Variants in ZNF573 observed in about 807,000 individuals in gnomAD.
The protein encoded by ZNF573 is zinc finger protein 573.
ZNF573 carries 41 observed loss-of-function variants against 57.4 expected under a neutral mutation model. The observed-to-expected ratio is 0.71, with a 90% CI of 0.56 to 0.93. The LOEUF is 0.93. Among genes scored for constraint, ZNF573 ranks in the 40% least tolerant of loss-of-function variants. The pLI, the probability that ZNF573 is intolerant of heterozygous loss-of-function variation, is 0.00. For missense variants in ZNF573, 730 were observed against 794.8 expected, an observed-to-expected ratio of 0.92 and a Z score of 0.98; for synonymous variants, 249 against 261.0, an observed-to-expected ratio of 0.95 and a Z score of 0.44.
rs548134299 is a variant in ZNF573 at position 37,773,669 on chromosome 19, T to C, written c.61A>G (p.Met21Val). The change falls in exon 2 of 5, where the codon ATG (methionine) becomes GTG (valine). Residue 21 changes from methionine (M) to valine (V), a missense_variant. Met to Val is a conservative substitution (Grantham distance 21). Coordinates refer to ENST00000536220, the MANE Select transcript of ZNF573 (RefSeq NM_001172690.2). ...GLIRSYNSKT[M>V]TCFQELVTFR... ...AGAATTAATCAACTTACACAGGTCA[T>C]GGTTTTAGAATTGTAAGACCTGATC... 5.9e-6 allele frequency: 9 copies of C among 1,535,438 alleles called. No homozygotes were observed. The African/African-American group carries it at 9.6e-5, about 16-fold the overall frequency.
chr19:37,764,748 T>C (rs1202278823), intron 4 of ZNF573, among the ~76,000 whole-genome samples: 1 of 149,862 alleles, frequency 6.7e-6, no homozygotes, highest in African/African-American at 2.5e-5. Context: ...GGACTACAGG[T>C]GCCCGCCACC....
At chr19:37,767,087 C>A (rs1297005472) in intron 4 of ZNF573, among the ~76,000 whole-genome samples, 1 of 152,182 alleles carries the variant, frequency 6.6e-6, no homozygotes, top group African/African-American at 2.4e-5. Context: ...TTTATAGGAG[C>A]ATTGTGACCT....
intron 4 of ZNF573, among the ~76,000 whole-genome samples, chr19:37,762,998 C>T (rs2045566978): frequency 6.6e-6 from 1 of 152,130 alleles, no homozygotes; most frequent in Non-Finnish European, 1.5e-5. Flanking sequence ...GTCTCGAACT[C>T]CTGACCTCAA....
At chr19:37,752,577 G>T (rs1205293385) in intron 4 of ZNF573, among the ~76,000 whole-genome samples, 1 of 152,128 alleles carries the variant, frequency 6.6e-6, no homozygotes, top group Non-Finnish European at 1.5e-5. Context: ...GGAGATTAAT[G>T]GTTGCCAGAG....
chr19:37,738,367 G>T lies in ZNF573; in HGVS notation c.*125C>A. 1 of 958,628 alleles carries T rather than the reference G, an allele frequency of 1.0e-6. No homozygotes were observed. The highest frequency in any genetic ancestry group is 1.4e-6 in the Non-Finnish European group (1 of 711,352). The allele number at this position is 958,628 out of a possible 1,614,324, so 59.4% of individuals were successfully genotyped here. On this transcript the variant is annotated 3_prime_UTR_variant, in exon 5 of 5. Transcript: ENST00000536220. ...GGACTGACATTGAATGCTTTCTAAT[G>T]TGGCAAGATCTGCATTTTGAACTCT... is the stretch of plus-strand genomic sequence containing the variant.
At chr19:37,770,348 G>A (rs1018769399) in intron 3 of ZNF573, 6 of 350,216 alleles carry the variant, frequency 1.7e-5, no homozygotes, top group African/African-American at 1.3e-4. Flanking sequence ...CAAAGTAGCT[G>A]TGAAGTTCTC....
At chr19:37,756,276 GA>G (rs1229017187) in intron 4 of ZNF573, among the ~76,000 whole-genome samples, 2 of 152,202 alleles carry the variant, frequency 1.3e-5, no homozygotes, top group Non-Finnish European at 2.9e-5. Context: ...CTGTTGAAGG[GA>G]AATTCTGCCA....
chr19:37,757,219 C>CAG (rs1447464239), intron 4 of ZNF573, among the ~76,000 whole-genome samples: 1 of 151,916 alleles, frequency 6.6e-6, no homozygotes, highest in African/African-American at 2.4e-5. Context: ...ATTTTTGAGA[C>CAG]AGAGTCTCAC....
intron 4 of ZNF573, among the ~76,000 whole-genome samples, chr19:37,762,920 C>A (rs1303723613): frequency 4.6e-5 from 7 of 151,988 alleles, no homozygotes; most frequent in Admixed American, 2.6e-4. Flanking sequence ...TACAGGCATG[C>A]ACCACCACAC....
chr19:37,764,383 C>T (rs1272364361), intron 4 of ZNF573, among the ~76,000 whole-genome samples: 2 of 149,840 alleles, frequency 1.3e-5, no homozygotes, highest in African/African-American at 4.9e-5. Flanking sequence ...TGCAGTGGCC[C>T]GATCTCGGCT....
At position 37,743,490 on chromosome 19, in the gene ZNF573, T is replaced by C. The variant is rs558585435; in HGVS notation, c.296-3296A>G. ...CGATTATTAAAAAGTCAGGAAACAA[T>C]AGATGCTGGTGAGGCTGTGGAGAAA... On this transcript the variant is annotated intron_variant, in intron 4 of 4. Coordinates refer to ENST00000536220, the MANE Select transcript of ZNF573 (RefSeq NM_001172690.2). Among the ~76,000 whole-genome samples the C allele has an allele frequency of 7.2e-5, 11 of 152,056 alleles. No individual in the cohort carries two copies. In the East Asian group the frequency reaches 1.7e-3, roughly 24 times the overall value.
intron 4 of ZNF573, among the ~76,000 whole-genome samples, chr19:37,743,319 C>CA (rs74174484): frequency 0.69 from 68,464 of 99,810 alleles, 23,237 homozygotes; most frequent in Non-Finnish European, 0.78. Context: ...GAATCCATCT[C>CA]AAAAAAAAAA....
At chr19:37,769,727 G>GAAAAAAAAAAAA (rs397944905) in intron 4 of ZNF573, among the ~76,000 whole-genome samples, 126 of 54,682 alleles carry the variant, frequency 2.3e-3, no homozygotes, top group Admixed American at 3.4e-3. Context: ...CTCTGTCTCG[G>GAAAAAAAAAAAA]AAAAAAAAAA....
intron 1 of ZNF573, among the ~76,000 whole-genome samples, chr19:37,778,722 G>C (rs994636122): frequency 6.6e-6 from 1 of 152,062 alleles, no homozygotes; most frequent in Non-Finnish European, 1.5e-5. Flanking sequence ...GGAATAGCAG[G>C]ACCAGGGAGG....
chr19:37,771,342 C>A (rs1258156344), intron 3 of ZNF573, among the ~76,000 whole-genome samples: 1 of 151,824 alleles, frequency 6.6e-6, no homozygotes, highest in Non-Finnish European at 1.5e-5. Flanking sequence ...GGAAAGGAGG[C>A]AATCATAAGG....
intron 4 of ZNF573, among the ~76,000 whole-genome samples, chr19:37,754,519 CAAAA>C (rs11316334): frequency 2.3e-5 from 2 of 85,564 alleles, no homozygotes; most frequent in Non-Finnish European, 4.9e-5. Context: ...GACTCCACCT[CAAAA>C]AAAAAAAAAA....
chr19:37,774,123 C>CTTT (rs1327254988), intron 1 of ZNF573, among the ~76,000 whole-genome samples: 1 of 114,470 alleles, frequency 8.7e-6, no homozygotes, highest in African/African-American at 3.3e-5. Flanking sequence ...AAACTAGAAG[C>CTTT]TTCTTTTTTT....
chr19:37,776,727 A>G, intron 1 of ZNF573, among the ~76,000 whole-genome samples: 1 of 152,182 alleles, frequency 6.6e-6, no homozygotes, highest in East Asian at 1.9e-4. Flanking sequence ...GTATTCACAA[A>G]CTGTACATCC....
chr19:37,744,460 T>A (rs554628509), intron 4 of ZNF573, among the ~76,000 whole-genome samples: 107 of 152,044 alleles, frequency 7.0e-4, no homozygotes, highest in Non-Finnish European at 1.2e-3. Flanking sequence ...AGTCAGGGAC[T>A]GGAGTGGTGG....
Sources: gnomAD v4.1 joint callset for allele counts (sites outside exome capture counted in the v4.1 genomes callset) on GRCh38, gnomAD v4.1.1 for gene constraint, MANE v1.5 for transcripts, NCBI Gene and HGNC (gene_info 2026-07-23, HGNC 2026-07-21) for gene names.